Variants in TOPAZ1 observed in about 807,000 individuals in gnomAD.
TOPAZ1 encodes the protein testis and ovary specific TOPAZ 1, also known as protein TOPAZ1.
A neutral mutation model predicts 172.2 loss-of-function variants in TOPAZ1; 66 were observed. That is an observed-to-expected ratio of 0.38 (90% CI 0.31 to 0.47). The LOEUF (loss-of-function observed/expected upper bound fraction) is 0.47. Among genes scored for constraint, TOPAZ1 ranks in the 20% least tolerant of loss-of-function variants. TOPAZ1 has a pLI of 0.99. For missense variants in TOPAZ1, 1,822 were observed against 1,972.4 expected, an observed-to-expected ratio of 0.92 and a Z score of 1.44; for synonymous variants, 681 against 683.9, an observed-to-expected ratio of 1.00 and a Z score of 0.07.
rs1699500989 is a variant in TOPAZ1, at chr3:44,242,780, T to G, written c.347-73T>G. On this transcript the variant is annotated intron_variant, in intron 1 of 19. Coordinates refer to ENST00000309765, the MANE Select transcript of TOPAZ1 (RefSeq NM_001145030.2). ...AATAAAAATGATAGCCTCACAATTT[T>G]TAATTTCAATGATAATTGCATTTTC... is the stretch of plus-strand genomic sequence containing the variant. 4.1e-6 allele frequency: 5 copies of G among 1,228,638 alleles called. No individual in the cohort carries two copies. In the African/African-American group the frequency reaches 7.7e-5, roughly 19 times the overall value. The allele number at this position is 1,228,638 out of a possible 1,614,324, so 76.1% of individuals were successfully genotyped here. A position where few individuals can be genotyped will look rare whatever the true frequency, so the allele number is the denominator to read the frequency against.
chr3:44,299,163 C>T (rs1197156195), intron 12 of TOPAZ1, among the ~76,000 whole-genome samples: 17 of 151,380 alleles, frequency 1.1e-4, no homozygotes, highest in African/African-American at 4.1e-4. Flanking sequence ...CCTCGTGATT[C>T]ACCCACCTCG....
intron 13 of TOPAZ1, among the ~76,000 whole-genome samples, chr3:44,304,727 C>A (rs1242601425): frequency 6.6e-6 from 1 of 151,976 alleles, no homozygotes; most frequent in Admixed American, 6.6e-5. Context: ...GATATGTGGG[C>A]CCAAATTATA....
chr3:44,269,233 A>G lies in TOPAZ1; in HGVS notation c.3178A>G (p.Lys1060Glu). The G allele has an allele frequency of 6.5e-7, 1 of 1,548,102 alleles. No homozygotes were observed. Among genetic ancestry groups the G allele is most frequent in the Non-Finnish European group, 8.7e-7 (1 of 1,143,894 alleles). ...TWMNDFRFLGKHSVLKLQNPE... is the reference protein window; with the variant it reads ...TWMNDFRFLGEHSVLKLQNPE... ...ATTTCTAGATTTCAGATTTCTGGGA[A>G]AACATTCTGTCCTAAAGCTGCAGAA... Residue 1060 changes from lysine to glutamate, a missense_variant, in exon 7 of 20, where the codon AAA becomes GAA. By Grantham distance (56) the Lys-to-Glu change is moderately conservative. Coordinates refer to ENST00000309765, the MANE Select transcript of TOPAZ1 (RefSeq NM_001145030.2).
rs951286148 is a variant in TOPAZ1, at chr3:44,257,440, G to A, written c.2955+1162G>A. Among the ~76,000 whole-genome samples, 3 of 130,414 alleles carry A rather than the reference G, an allele frequency of 2.3e-5. No homozygotes were observed. In the Admixed American group the frequency reaches 2.4e-4, roughly 10 times the overall value. The allele number at this position is 130,414 out of a possible 152,430, so 85.6% of individuals were successfully genotyped here. A position where few individuals can be genotyped will look rare whatever the true frequency, so the allele number is the denominator to read the frequency against. ...TATATATTTTATATATATATAAAAT[G>A]TGTGTGTATCTATTTTATATATATA... On this transcript the variant is annotated intron_variant, in intron 4 of 19. Transcript: ENST00000309765.
Position 44,298,607 on chromosome 3 carries a change from A to T in TOPAZ1, c.3798-5408A>T, listed in dbSNP as rs547573781. Among the ~76,000 whole-genome samples the T allele has an allele frequency of 2.0e-5, 3 of 151,832 alleles. No individual in the cohort carries two copies. In the South Asian group the frequency reaches 6.2e-4, roughly 32 times the overall value. On this transcript the variant is annotated intron_variant, in intron 12 of 19. Coordinates refer to ENST00000309765, the MANE Select transcript of TOPAZ1 (RefSeq NM_001145030.2). ...AGGAACAGAGGGAATCCAGGAATAA[A>T]CCACTACTAATATGTTCAATTGATT...
chr3:44,299,606 A>G (rs1700244959), intron 12 of TOPAZ1, among the ~76,000 whole-genome samples: 1 of 152,214 alleles, frequency 6.6e-6, no homozygotes, highest in South Asian at 2.1e-4. Flanking sequence ...TACTGGGTAT[A>G]TACCGAAAGG....
downstream of TOPAZ1, among the ~76,000 whole-genome samples, chr3:44,336,232 GTAAATTAGCTTGTAAT>G (rs1240539839): frequency 1.3e-5 from 2 of 152,186 alleles, no homozygotes; most frequent in East Asian, 3.9e-4. Flanking sequence ...GGCCTTAGCT[GTAAATTAGCTTGTAAT>G]TTTGTAAATC....
chr3:44,269,099 A>G (rs1699864517), intron 6 of TOPAZ1, 117 bp from the exon 7 acceptor site: 1 of 693,330 alleles, frequency 1.4e-6, no homozygotes, highest in Non-Finnish European at 2.6e-6. Context: ...TGTGAACTGA[A>G]TATGAATATT....
At chr3:44,270,951 T>C (rs748951260) in intron 8 of TOPAZ1, 141 bp downstream of exon 8, 45 of 727,936 alleles carry the variant, frequency 6.2e-5, no homozygotes, top group Non-Finnish European at 1.6e-5. Flanking sequence ...TGGAATCATA[T>C]GTGTATTCTT....
chr3:44,290,705 C>A, intron 11 of TOPAZ1, 66 bp from the exon 12 acceptor site: 1 of 936,776 alleles, frequency 1.1e-6, no homozygotes, highest in Non-Finnish European at 1.6e-6. Context: ...TTGTTTCACA[C>A]ACATTGGCTC....
At chr3:44,320,071 A>T (rs952088570) in intron 16 of TOPAZ1, among the ~76,000 whole-genome samples, 2 of 152,160 alleles carry the variant, frequency 1.3e-5, no homozygotes, top group African/African-American at 4.8e-5. Flanking sequence ...ACAGTCTCCC[A>T]TTGTTTTTCT....
At chr3:44,251,362 T>C (rs1010715626) in intron 2 of TOPAZ1, among the ~76,000 whole-genome samples, 1 of 152,144 alleles carries the variant, frequency 6.6e-6, no homozygotes, top group Non-Finnish European at 1.5e-5. Context: ...ACTCAAGCAA[T>C]CCTCCCACAT....
chr3:44,307,144 T>G (rs898522785), intron 15 of TOPAZ1, among the ~76,000 whole-genome samples: 2 of 152,128 alleles, frequency 1.3e-5, no homozygotes, highest in East Asian at 3.9e-4. Flanking sequence ...TGCCTCAGCC[T>G]CCCAAGTAGC....
chr3:44,334,567 A>G (rs141586902), downstream of TOPAZ1, among the ~76,000 whole-genome samples: 2,057 of 152,262 alleles, frequency 0.014, 16 homozygotes, highest in Non-Finnish European at 0.018. Context: ...TGTAATCTGG[A>G]AGATAGAAAC....
downstream of TOPAZ1, among the ~76,000 whole-genome samples, chr3:44,334,156 T>C (rs913063219): frequency 5.9e-5 from 9 of 152,184 alleles, no homozygotes; most frequent in African/African-American, 2.2e-4. Context: ...GTCTAATCAC[T>C]TCTAAATTCC....
chr3:44,298,921 T>TGTTTGTTTG (rs1482074547), intron 12 of TOPAZ1, among the ~76,000 whole-genome samples: 5 of 41,730 alleles, frequency 1.2e-4, no homozygotes, highest in African/African-American at 4.4e-4. Flanking sequence ...TTTTTTTTTT[T>TGTTTGTTTG]TTTTTTTTTT....
At chr3:44,294,379 A>G (rs1700171757) in intron 12 of TOPAZ1, among the ~76,000 whole-genome samples, 1 of 152,258 alleles carries the variant, frequency 6.6e-6, no homozygotes, top group Non-Finnish European at 1.5e-5. Context: ...TAAGGAGTTT[A>G]GATCATAACT....
intron 12 of TOPAZ1, among the ~76,000 whole-genome samples, chr3:44,299,644 CA>C (rs1478969705): frequency 1.3e-5 from 2 of 152,220 alleles, no homozygotes; most frequent in South Asian, 2.1e-4. Context: ...TATAAAGACA[CA>C]AGCACATGTA....
At chr3:44,267,489 G>GT (rs1699844350) in intron 6 of TOPAZ1, among the ~76,000 whole-genome samples, 1 of 151,900 alleles carries the variant, frequency 6.6e-6, no homozygotes, top group South Asian at 2.1e-4. Context: ...TAGAGACGGG[G>GT]TTTAACGGTG....
Sources: gnomAD v4.1 joint callset for allele counts (sites outside exome capture counted in the v4.1 genomes callset) on GRCh38, gnomAD v4.1.1 for gene constraint, MANE v1.5 for transcripts, NCBI Gene and HGNC (gene_info 2026-07-23, HGNC 2026-07-21) for gene names.